PACSIN1: variants seen among roughly 807,000 people sequenced by gnomAD.
The protein encoded by PACSIN1 is protein kinase C and casein kinase substrate in neurons 1.
In PACSIN1, 15 loss-of-function variants were observed where a neutral mutation model predicts 59.5. The ratio of observed to expected loss-of-function variants is 0.25; its 90% CI spans 0.17 to 0.39. The LOEUF (loss-of-function observed/expected upper bound fraction) is 0.39, where lower values mean the gene tolerates loss of function less well. Among genes scored for constraint, PACSIN1 ranks in the 10% least tolerant of loss-of-function variants. PACSIN1 has a pLI of 1.00. For synonymous variants in PACSIN1, 210 were observed against 220.6 expected (o/e 0.95, Z 0.42); for missense variants, 420 against 580.2 (o/e 0.72, Z 2.84).
In PACSIN1 at chr6:34,529,215, C is replaced by T. The variant is rs1396594023; in HGVS notation, c.457-182C>T. 3.3e-5 allele frequency among the ~76,000 whole-genome samples: 5 copies of T among 152,022 alleles called. No individual in the cohort carries two copies. The highest frequency in any genetic ancestry group is 1.3e-4 in the Admixed American group (2 of 15,266). On this transcript the variant is annotated intron_variant, in intron 4 of 9. Transcript: ENST00000244458. This position sits in a 1 kb window ranked among gnomAD's most constrained non-coding sequence, Gnocchi z 6.3. Reference sequence around the variant, plus strand: ...GGGAGCAGGCAGTGCCAAGCAGAGACGCAGCCACAAATGGAGGAGCGCTGC... The same window carrying T: ...GGGAGCAGGCAGTGCCAAGCAGAGATGCAGCCACAAATGGAGGAGCGCTGC...
intron 1 of PACSIN1, among the ~76,000 whole-genome samples, chr6:34,503,624 C>T (rs1025969332): frequency 3.3e-5 from 5 of 152,182 alleles, no homozygotes; most frequent in Non-Finnish European, 7.3e-5. Context: ...ACAGAAGTCA[C>T]TCAGTCCACC....
chr6:34,518,161 G>A lies in PACSIN1; in HGVS notation c.-63-8082G>A, dbSNP rs1050298437. Among the ~76,000 whole-genome samples, 1 of 152,246 alleles carries A rather than the reference G, an allele frequency of 6.6e-6. No individual in the cohort carries two copies. The highest frequency in any genetic ancestry group is 2.4e-5 in the African/African-American group (1 of 41,472). ...GCCAGGCCCCGGAAGAGGGCAAGCTGCATGCATCCCACCCCAAGCCACTGA... is the reference window on the plus strand; with the variant it reads ...GCCAGGCCCCGGAAGAGGGCAAGCTACATGCATCCCACCCCAAGCCACTGA... On this transcript the variant is annotated intron_variant, in intron 1 of 9. Coordinates refer to ENST00000244458, the MANE Select transcript of PACSIN1 (RefSeq NM_020804.5). The surrounding 1 kb of genome is among the most constrained non-coding windows in gnomAD (Gnocchi z 4.4).
chr6:34,528,906 G>T, intron 4 of PACSIN1, 29 bp downstream of exon 4: 6 of 1,340,274 alleles, frequency 4.5e-6, no homozygotes, highest in Non-Finnish European at 6.4e-6. Flanking sequence ...CACGGGCGGG[G>T]TGGGGTGGGC....
intron 1 of PACSIN1, among the ~76,000 whole-genome samples, chr6:34,482,691 T>G (rs1233062800): frequency 1.3e-5 from 2 of 151,788 alleles, no homozygotes; most frequent in African/African-American, 4.8e-5. Context: ...TTTGTTTTTT[T>G]TTTTTTGAGA....
chr6:34,526,140 A>C, intron 1 of PACSIN1, 103 bp from the exon 2 acceptor site: 3 of 597,166 alleles, frequency 5.0e-6, no homozygotes, highest in Non-Finnish European at 8.9e-6. Flanking sequence ...ATCCTAATGC[A>C]AGCCTCCCTG....
chr6:34,472,090 G>C (rs1025303394), intron 1 of PACSIN1, among the ~76,000 whole-genome samples: 3 of 151,924 alleles, frequency 2.0e-5, no homozygotes, highest in African/African-American at 7.3e-5. Flanking sequence ...GGCCAATATG[G>C]TGAAACCCCT....
Position 34,526,354 on chromosome 6 carries a change from G to A in PACSIN1, c.49G>A (p.Asp17Asn). 1 of 1,612,336 alleles carries A rather than the reference G, an allele frequency of 6.2e-7. No individual in the cohort carries two copies. Among genetic ancestry groups the A allele is most frequent in the Non-Finnish European group, 8.5e-7 (1 of 1,179,812 alleles). Residue 17 changes from aspartate (D) to asparagine (N), a missense_variant, in exon 2 of 10, where the codon GAC becomes AAC. Transcript: ENST00000244458. ...EASLAPEETTDSFWEVGNYKR... is the reference protein window; with the variant it reads ...EASLAPEETTNSFWEVGNYKR... ...CTCACTGGCGCCAGAGGAGACCACC[G>A]ACAGCTTCTGGGAGGTGAGGCTCTC...
intron 1 of PACSIN1, among the ~76,000 whole-genome samples, chr6:34,505,005 GA>G (rs1767087446): frequency 6.6e-6 from 1 of 151,078 alleles, no homozygotes; most frequent in Non-Finnish European, 1.5e-5. Context: ...TATTATTTTA[GA>G]TTTTTTTTTA....
chr6:34,501,095 T>A (rs1205150839), intron 1 of PACSIN1, among the ~76,000 whole-genome samples: 6 of 152,252 alleles, frequency 3.9e-5, no homozygotes, highest in African/African-American at 1.2e-4. Context: ...GGCTGTTTTG[T>A]TTTCTTATCA....
At chr6:34,509,025 C>T (rs1246377062) in intron 1 of PACSIN1, among the ~76,000 whole-genome samples, 4 of 151,960 alleles carry the variant, frequency 2.6e-5, no homozygotes, top group Admixed American at 6.6e-5. Context: ...ATATGTAGTC[C>T]CATTTGTCTA....
Position 34,521,778 on chromosome 6 carries a change from G to A in PACSIN1, c.-63-4465G>A, listed in dbSNP as rs1050891423. 3.3e-5 allele frequency among the ~76,000 whole-genome samples: 5 copies of A among 151,798 alleles called. No individual in the cohort carries two copies. The highest frequency in any genetic ancestry group is 4.8e-5 in the African/African-American group (2 of 41,370). ...GGAGAGCTCGCCGTGTGTCAGGCGC[G>A]GTCCAGTGGCCCGAGGTCTAGTGCT... On this transcript the variant is annotated intron_variant, in intron 1 of 9. Transcript: ENST00000244458. This position sits in a 1 kb window ranked among gnomAD's most constrained non-coding sequence, Gnocchi z 4.3.
At chr6:34,495,618 A>G (rs1464397096) in intron 1 of PACSIN1, among the ~76,000 whole-genome samples, 1 of 151,870 alleles carries the variant, frequency 6.6e-6, no homozygotes, top group Admixed American at 6.6e-5. Flanking sequence ...ACACCCAGCT[A>G]ATTTTTGGAT....
chr6:34,523,862 C>G (rs1027340922), intron 1 of PACSIN1, among the ~76,000 whole-genome samples: 1 of 152,218 alleles, frequency 6.6e-6, no homozygotes, highest in Non-Finnish European at 1.5e-5. Context: ...CCTGGCTCTT[C>G]TTCCTGAGCC....
At chr6:34,498,738 A>G (rs1766982304) in intron 1 of PACSIN1, among the ~76,000 whole-genome samples, 2 of 148,186 alleles carry the variant, frequency 1.3e-5, no homozygotes, top group Admixed American at 1.4e-4. Context: ...TCATGGCTGC[A>G]GTGAGCTGTG....
At chr6:34,471,220 T>C (rs1462810044) in intron 1 of PACSIN1, among the ~76,000 whole-genome samples, 2 of 152,184 alleles carry the variant, frequency 1.3e-5, no homozygotes, top group Non-Finnish European at 2.9e-5. Context: ...AGTGCTGGGA[T>C]TACAGGCATG....
chr6:34,531,677 G>A lies in PACSIN1; in HGVS notation c.1115G>A (p.Ser372Asn). 6.2e-7 allele frequency: 1 copy of A among 1,613,948 alleles called. No individual in the cohort carries two copies. The highest frequency in any genetic ancestry group is 8.5e-7 in the Non-Finnish European group (1 of 1,179,988). Residue 372 changes from serine (S) to asparagine (N), a missense_variant, in exon 9 of 10, where the codon AGT (serine) becomes AAT (asparagine). By Grantham distance (46) the Ser-to-Asn change is conservative. Transcript: ENST00000244458. The surrounding 1 kb of genome is among the most constrained non-coding windows in gnomAD (Gnocchi z 4.4). Reference protein sequence around the residue: ...DDESGNPFGGSETNGGANPFE... With the variant: ...DDESGNPFGGNETNGGANPFE... Reference sequence around the variant, plus strand: ...GAGAGTGGGAACCCCTTTGGGGGCAGTGAGACCAACGGGGGCGCCAACCCC... The same window carrying A: ...GAGAGTGGGAACCCCTTTGGGGGCAATGAGACCAACGGGGGCGCCAACCCC...
intron 1 of PACSIN1, among the ~76,000 whole-genome samples, chr6:34,471,356 C>T (rs891722018): frequency 1.3e-5 from 2 of 152,174 alleles, no homozygotes; most frequent in Non-Finnish European, 2.9e-5. Context: ...TCAATAGATA[C>T]TTGTTTGAAG....
At chr6:34,476,532 G>A (rs1561955177) in intron 1 of PACSIN1, among the ~76,000 whole-genome samples, 2 of 151,998 alleles carry the variant, frequency 1.3e-5, no homozygotes, top group Non-Finnish European at 2.9e-5. Context: ...ATGACTGGCC[G>A]CCATCTCACC....
At chr6:34,484,250 T>A (rs1766761133) in intron 1 of PACSIN1, among the ~76,000 whole-genome samples, 2 of 152,296 alleles carry the variant, frequency 1.3e-5, no homozygotes, top group African/African-American at 4.8e-5. Context: ...ATCCTGGCAA[T>A]GGAATATTAT....
Sources: gnomAD v4.1 joint callset for allele counts (sites outside exome capture counted in the v4.1 genomes callset) on GRCh38, gnomAD v4.1.1 for gene constraint, Gnocchi (gnomAD v3.1) non-coding constraint, MANE v1.5 for transcripts, NCBI Gene and HGNC (gene_info 2026-07-23, HGNC 2026-07-21) for gene names.